SIGLEC12: variants seen among roughly 807,000 people sequenced by gnomAD.
The protein encoded by SIGLEC12 is sialic acid-binding Ig-like lectin 12.
SIGLEC12 carries 43 observed loss-of-function variants against 54.1 expected under a neutral mutation model. The ratio of observed to expected loss-of-function variants is 0.80; its 90% CI spans 0.62 to 1.03. The LOEUF is 1.03. Among genes scored for constraint, SIGLEC12 ranks in the 50% least tolerant of loss-of-function variants. The pLI, the probability that SIGLEC12 is intolerant of heterozygous loss-of-function variation, is 0.00. For missense variants in SIGLEC12, 802 were observed against 735.2 expected (o/e 1.09, Z -1.05); for synonymous variants, 357 against 307.6 (o/e 1.16, Z -1.68).
intron 2 of SIGLEC12, 47 bp from the exon 3 acceptor site, chr19:51,499,763 A>C (rs372728688): frequency 1.2e-5 from 19 of 1,603,480 alleles, no homozygotes; most frequent in Non-Finnish European, 1.6e-5. Context: ...TGGGGTCTGA[A>C]GTGTGGTGCT....
rs769266367 is a variant in SIGLEC12, at chr19:51,497,276, A to G, written c.1502+73T>C. On this transcript the variant is annotated intron_variant, in intron 6 of 7. Coordinates refer to ENST00000291707, the MANE Select transcript of SIGLEC12 (RefSeq NM_053003.4). ...GCTCTTGACCCATCCAGGTCCTTCC[A>G]GGTCTGGCTTCAGGGATTTTGTTCC... is the stretch of plus-strand genomic sequence containing the variant. 81 of 1,364,024 alleles carry G rather than the reference A, an allele frequency of 5.9e-5. 1 individual carries two copies. The highest frequency in any genetic ancestry group is 5.6e-5 in the Non-Finnish European group (54 of 965,214). 84.5% of individuals were successfully genotyped at this position (1,364,024 alleles called of 1,614,324 possible).
Position 51,499,585 on chromosome 19 carries a change from C to A in SIGLEC12, c.940G>T (p.Val314Leu). ...PPTITWMGAS[V>L]SSLDPTITRS... Reference sequence around the variant, plus strand: ...GTGATAGTGGGGTCCAGGGAGGACACGGAGGCCCCCATCCAGGTGATCGTG... The same window carrying A: ...GTGATAGTGGGGTCCAGGGAGGACAAGGAGGCCCCCATCCAGGTGATCGTG... Residue 314 changes from valine (V) to leucine (L), a missense_variant, in exon 3 of 8, where the codon GTG becomes TTG. By Grantham distance (32) the Val-to-Leu change is conservative. Transcript: ENST00000291707. 1 of 1,612,276 alleles carries A rather than the reference C, an allele frequency of 6.2e-7. No individual in the cohort carries two copies. Among genetic ancestry groups the A allele is most frequent in the Non-Finnish European group, 8.5e-7 (1 of 1,179,104 alleles).
Position 51,497,430 on chromosome 19 carries a change from A to G in SIGLEC12, c.1421T>C (p.Ile474Thr). 1.9e-6 allele frequency: 3 copies of G among 1,611,532 alleles called. No homozygotes were observed. The highest frequency in any genetic ancestry group is 2.5e-6 in the Non-Finnish European group (3 of 1,178,146). ...QNEYTGKMRPISGVTLGAFGG... is the reference protein window; with the variant it reads ...QNEYTGKMRPTSGVTLGAFGG... ...GAATGCCCCTAGCGTCACTCCTGAT[A>G]TAGGCCTCATTTTGCCTGAGGATGG... Residue 474 changes from isoleucine (I) to threonine (T), a missense_variant, in exon 6 of 8, where the codon ATA (isoleucine) becomes ACA (threonine). Ile to Thr is a moderately conservative substitution (Grantham distance 89). Coordinates refer to ENST00000291707, the MANE Select transcript of SIGLEC12 (RefSeq NM_053003.4).
At chr19:51,494,930 T>C (rs1481546849) in intron 7 of SIGLEC12, among the ~76,000 whole-genome samples, 5 of 151,988 alleles carry the variant, frequency 3.3e-5, no homozygotes, top group African/African-American at 7.3e-5. Flanking sequence ...CATAGGAAAA[T>C]AAAGTAAAAT....
Position 51,497,934 on chromosome 19 carries a change from G to A in SIGLEC12, c.1405+84C>T, listed in dbSNP as rs905708356. On this transcript the variant is annotated intron_variant, in intron 5 of 7. Transcript: ENST00000291707. ...CAGCAAGAGGACTGTGATGCTGTGG[G>A]TTGCAGGGAAATTCCAGGTCTCCCA... 3 of 1,560,624 alleles carry A rather than the reference G, an allele frequency of 1.9e-6. No individual in the cohort carries two copies. The African/African-American group carries it at 4.1e-5, about 21-fold the overall frequency.
chr19:51,495,107 A>AT (rs1394753764), intron 7 of SIGLEC12, among the ~76,000 whole-genome samples: 3 of 148,992 alleles, frequency 2.0e-5, no homozygotes, highest in Non-Finnish European at 4.5e-5. Flanking sequence ...GTTATGTGTT[A>AT]TTTTCCACCG....
At chr19:51,500,433 G>A in intron 1 of SIGLEC12, 133 bp from the exon 2 acceptor site, 2 of 1,537,388 alleles carry the variant, frequency 1.3e-6, no homozygotes, top group Non-Finnish European at 1.8e-6. Flanking sequence ...GGGAGAGGAG[G>A]GGCAGGGCTG....
intron 7 of SIGLEC12, 104 bp downstream of exon 7, chr19:51,496,776 T>C (rs1231353348): frequency 2.3e-6 from 3 of 1,329,684 alleles, no homozygotes; most frequent in African/African-American, 2.9e-5. Flanking sequence ...ACGTGATTTT[T>C]CGGCTGTAGG....
intron 4 of SIGLEC12, 122 bp downstream of exon 4, chr19:51,499,048 C>G (rs1990317423): frequency 3.1e-6 from 3 of 971,432 alleles, no homozygotes; most frequent in Non-Finnish European, 1.6e-6. Flanking sequence ...AAGGCTGAGG[C>G]TGAGGGAGGG....
Position 51,501,364 on chromosome 19 carries a change from C to T in SIGLEC12, c.370G>A (p.Glu124Lys), listed in dbSNP as rs766313933. 6 of 1,614,128 alleles carry T rather than the reference C, an allele frequency of 3.7e-6. No homozygotes were observed. The Admixed American group carries it at 1.0e-4, about 27-fold the overall frequency. The change falls in exon 1 of 8, where the codon GAG becomes AAG. Residue 124 changes from glutamate to lysine, a missense_variant. Transcript: ENST00000291707. ...TAATTCCATTTCATATTTCCTCTCTCTACACAAAAGACGTATGTCCCTGCA... is the reference window on the plus strand; with the variant it reads ...TAATTCCATTTCATATTTCCTCTCTTTACACAAAAGACGTATGTCCCTGCA... ...SDAGTYVFCV[E>K]RGNMKWNYKY...
rs1990357852 is a variant in SIGLEC12, at chr19:51,500,202, G to A, written c.526C>T (p.Pro176Ser). Residue 176 changes from proline (P) to serine (S), a missense_variant, in exon 2 of 8, where the codon CCC becomes TCC. Physicochemically the swap from Pro to Ser is moderately conservative, Grantham distance 74. Transcript: ENST00000291707. ...CVSVPCSVLY[P>S]HYNWTASSPV... ...CTAGAGGCAGTCCAGTTGTAATGGG[G>A]GTAAAGGACACTGCAGGGCACAGAG... 1 of 1,614,126 alleles carries A rather than the reference G, an allele frequency of 6.2e-7. No individual in the cohort carries two copies. The highest frequency in any genetic ancestry group is 1.1e-5 in the South Asian group (1 of 91,082).
chr19:51,500,263 C>G lies in SIGLEC12; in HGVS notation c.465G>C (p.Val155=), dbSNP rs1020763768. Residue 155 remains valine, a synonymous_variant, in exon 2 of 8, where the codon GTG becomes GTC. Coordinates refer to ENST00000291707, the MANE Select transcript of SIGLEC12 (RefSeq NM_053003.4). ...QDLLSRYRLE[V]PESVTVQEGL... ...CCTCCTGCACAGTCACCGACTCTGG[C>G]ACCTCCAGCCTGTATCTTGACAGTA... The G allele has an allele frequency of 6.2e-7, 1 of 1,614,204 alleles. No homozygotes were observed.
chr19:51,499,640 C>T lies in SIGLEC12; in HGVS notation c.885G>A (p.Val295=), dbSNP rs368716911. 3.1e-6 allele frequency: 5 copies of T among 1,613,984 alleles called. No individual in the cohort carries two copies. The highest frequency in any genetic ancestry group is 4.2e-6 in the Non-Finnish European group (5 of 1,179,984). Residue 295 remains valine, a synonymous_variant, in exon 3 of 8, where the codon GTG becomes GTA. Coordinates refer to ENST00000291707, the MANE Select transcript of SIGLEC12 (RefSeq NM_053003.4). ...GCGTCCCCTGTTCACAGGCCCAGGG[C>T]ACAGAGCAGGTCAGGTTCCTGGGGT... ...SGHPRNLTCS[V]PWACEQGTPP...
intron 7 of SIGLEC12, among the ~76,000 whole-genome samples, chr19:51,493,445 T>C (rs1336939894): frequency 6.6e-6 from 1 of 152,124 alleles, no homozygotes; most frequent in African/African-American, 2.4e-5. Context: ...CCCAGCCCTC[T>C]CCCCTCTGCT....
chr19:51,495,136 G>A (rs1990189114), intron 7 of SIGLEC12, among the ~76,000 whole-genome samples: 1 of 149,168 alleles, frequency 6.7e-6, no homozygotes, highest in African/African-American at 2.4e-5. Flanking sequence ...TGGATGGATG[G>A]ATGGGTGGAT....
chr19:51,500,635 A>G (rs946071496), intron 1 of SIGLEC12, among the ~76,000 whole-genome samples: 7 of 152,180 alleles, frequency 4.6e-5, no homozygotes, highest in South Asian at 2.1e-4. Context: ...GGCTTCCCTG[A>G]AGCACCAGGG....
At chr19:51,499,034 C>A (rs983033936) in intron 4 of SIGLEC12, 136 bp downstream of exon 4, 6 of 809,026 alleles carry the variant, frequency 7.4e-6, no homozygotes, top group African/African-American at 1.7e-5. Context: ...GCTCAGGTGG[C>A]CAAAAGGCTG....
At chr19:51,499,022 G>A (rs1990316508) in intron 4 of SIGLEC12, 148 bp downstream of exon 4, 4 of 705,830 alleles carry the variant, frequency 5.7e-6, no homozygotes, top group Non-Finnish European at 1.0e-5. Context: ...TGATGAGAAG[G>A]TGCTCAGGTG....
At chr19:51,495,451 G>A (rs1281229184) in intron 7 of SIGLEC12, among the ~76,000 whole-genome samples, 1 of 149,598 alleles carries the variant, frequency 6.7e-6, no homozygotes, top group South Asian at 2.1e-4. Flanking sequence ...ATGGACTGAC[G>A]GGTGGGTGGG....
Sources: gnomAD v4.1 joint callset for allele counts (sites outside exome capture counted in the v4.1 genomes callset) on GRCh38, gnomAD v4.1.1 for gene constraint, MANE v1.5 for transcripts, NCBI Gene and HGNC (gene_info 2026-07-23, HGNC 2026-07-21) for gene names.